Variants in FBRSL1 observed in about 807,000 individuals in gnomAD.
FBRSL1 encodes the protein fibrosin like 1, also known as fibrosin-1-like protein.
FBRSL1 carries 51 observed loss-of-function variants against 89.6 expected under a neutral mutation model. The observed-to-expected ratio is 0.57, with a 90% CI of 0.45 to 0.72. The LOEUF (loss-of-function observed/expected upper bound fraction) is 0.72. FBRSL1 is among the 30% of genes least tolerant of loss of function. FBRSL1 has a pLI of 0.00. For synonymous variants in FBRSL1, 779 were observed against 681.1 expected, an observed-to-expected ratio of 1.14 and a Z score of -2.24; for missense variants, 1,618 against 1,451.8, an observed-to-expected ratio of 1.11 and a Z score of -1.86.
At chr12:132,495,333 G>T (rs538455958) in intron 1 of FBRSL1, among the ~76,000 whole-genome samples, 3 of 152,332 alleles carry the variant, frequency 2.0e-5, no homozygotes, top group Admixed American at 2.0e-4. Context: ...GCCGAGCACC[G>T]CGTGTGGGGC....
chr12:132,530,998 G>GA (rs889162833), intron 4 of FBRSL1, among the ~76,000 whole-genome samples: 2 of 150,368 alleles, frequency 1.3e-5, no homozygotes, highest in Non-Finnish European at 3.0e-5. Flanking sequence ...CCAGTGTGGG[G>GA]GGGGGGGTGC....
Position 132,568,633 on chromosome 12 carries a change from C to T in FBRSL1, c.691+1107C>T, listed in dbSNP as rs117914924. 0.013 allele frequency among the ~76,000 whole-genome samples: 1,941 copies of T among 152,362 alleles called. 59 individuals are homozygous for T. In the East Asian group the frequency reaches 0.14, roughly 11 times the overall value. ...ACGTGGGGTCTAGTCCAGGTCTGTG[C>T]GGCCCAAGCCTCTTTCCATCCTGAT... On this transcript the variant is annotated intron_variant, in intron 6 of 18. Transcript: ENST00000680143.
chr12:132,556,230 CT>C (rs1487667155), intron 5 of FBRSL1, among the ~76,000 whole-genome samples: 4 of 152,190 alleles, frequency 2.6e-5, no homozygotes, highest in South Asian at 2.1e-4. Flanking sequence ...CGGGCTCCCC[CT>C]GATGCTGCCC....
At chr12:132,556,609 ACCC>A (rs1566196325) in intron 5 of FBRSL1, among the ~76,000 whole-genome samples, 9 of 8,526 alleles carry the variant, frequency 1.1e-3, no homozygotes, top group South Asian at 4.4e-3. Flanking sequence ...TGCCCCCGCC[ACCC>A]ACCCCCCTCC....
intron 2 of FBRSL1, among the ~76,000 whole-genome samples, chr12:132,524,129 G>A (rs1267152093): frequency 6.6e-6 from 1 of 152,240 alleles, no homozygotes; most frequent in Admixed American, 6.5e-5. Context: ...TACAGATGCC[G>A]AAACTGAGGC....
intron 4 of FBRSL1, among the ~76,000 whole-genome samples, chr12:132,537,329 C>CT (rs2036848083): frequency 6.6e-6 from 1 of 152,120 alleles, no homozygotes; most frequent in African/African-American, 2.4e-5. Context: ...CCAGAGGTGG[C>CT]TGAGGTGGGT....
chr12:132,505,877 C>T (rs974295150), intron 1 of FBRSL1, among the ~76,000 whole-genome samples: 1 of 152,254 alleles, frequency 6.6e-6, no homozygotes, highest in African/African-American at 2.4e-5. Context: ...GCAGGCGAAG[C>T]GCTGGCTGGC....
intron 2 of FBRSL1, chr12:132,510,652 G>A (rs1330407054): frequency 1.1e-5 from 14 of 1,229,516 alleles, no homozygotes; most frequent in South Asian, 4.3e-5. Flanking sequence ...ACAGTGCCAC[G>A]ATCAGGCTGA....
intron 1 of FBRSL1, among the ~76,000 whole-genome samples, chr12:132,502,865 A>ACCCTCTCCTGTCCCCG (rs1389956520): frequency 3.0e-5 from 3 of 101,326 alleles, no homozygotes; most frequent in East Asian, 3.3e-4. Flanking sequence ...TCCTGTTCTC[A>ACCCTCTCCTGTCCCCG]CCCTCTCCTG....
At chr12:132,582,530 C>G (rs1453387703) in intron 18 of FBRSL1, among the ~76,000 whole-genome samples, 1 of 151,600 alleles carries the variant, frequency 6.6e-6, no homozygotes, top group African/African-American at 2.4e-5. Context: ...CCCGGCGACT[C>G]CTCCCTGCGG....
rs576292070 is a variant in FBRSL1 at position 132,495,975 on chromosome 12, C to T, written c.291+5114C>T. ...GGCCTCGGGGTCGGGGCTGTTACAG[C>T]AGGAGTCACCGGCCCTCTTCCCCAT... is the stretch of plus-strand genomic sequence containing the variant. On this transcript the variant is annotated intron_variant, in intron 1 of 18. Transcript: ENST00000680143. 1.9e-3 allele frequency among the ~76,000 whole-genome samples: 290 copies of T among 152,386 alleles called. 2 individuals are homozygous for T. The highest frequency in any genetic ancestry group is 6.5e-3 in the African/African-American group (270 of 41,592).
At chr12:132,517,898 G>A (rs924450683) in intron 2 of FBRSL1, among the ~76,000 whole-genome samples, 4 of 152,156 alleles carry the variant, frequency 2.6e-5, no homozygotes, top group Admixed American at 1.3e-4. Context: ...GCAGTGGCTT[G>A]AATTAGGTCA....
intron 15 of FBRSL1, chr12:132,580,867 C>T (rs915430469): frequency 8.1e-6 from 8 of 985,092 alleles, no homozygotes; most frequent in Non-Finnish European, 8.4e-6. Flanking sequence ...AGCAGCCCCT[C>T]CCAGGGCCCG....
chr12:132,540,094 G>A (rs1192330613), intron 4 of FBRSL1, among the ~76,000 whole-genome samples: 2 of 6,750 alleles, frequency 3.0e-4, no homozygotes, highest in African/African-American at 8.4e-4. Context: ...CTCCAGCCCC[G>A]TGCCCACCCA....
At chr12:132,559,110 C>A (rs984732183) in intron 5 of FBRSL1, among the ~76,000 whole-genome samples, 1 of 152,278 alleles carries the variant, frequency 6.6e-6, no homozygotes, top group Non-Finnish European at 1.5e-5. Context: ...GTGGCTGGGC[C>A]TCGATCCGAG....
chr12:132,562,756 C>T (rs574783251), intron 5 of FBRSL1, among the ~76,000 whole-genome samples: 1 of 152,214 alleles, frequency 6.6e-6, no homozygotes, highest in Admixed American at 6.5e-5. Context: ...GTGTGGCAGG[C>T]CCGCCTCGGC....
chr12:132,500,165 G>A (rs927206696), intron 1 of FBRSL1, among the ~76,000 whole-genome samples: 1 of 152,112 alleles, frequency 6.6e-6, no homozygotes, highest in African/African-American at 2.4e-5. Flanking sequence ...GCCGCACGCC[G>A]TGACCCTGCC....
intron 2 of FBRSL1, among the ~76,000 whole-genome samples, chr12:132,521,859 C>A (rs902293360): frequency 1.3e-5 from 2 of 152,220 alleles, no homozygotes; most frequent in Admixed American, 6.5e-5. Flanking sequence ...TGGTGTGGGG[C>A]CTCTTGGGTG....
At chr12:132,557,687 G>A (rs1329903084) in intron 5 of FBRSL1, among the ~76,000 whole-genome samples, 1 of 152,228 alleles carries the variant, frequency 6.6e-6, no homozygotes, top group Non-Finnish European at 1.5e-5. Context: ...GCCACATTGA[G>A]ACTGGCCGTA....
Sources: gnomAD v4.1 joint callset for allele counts (sites outside exome capture counted in the v4.1 genomes callset) on GRCh38, gnomAD v4.1.1 for gene constraint, MANE v1.5 for transcripts, NCBI Gene and HGNC (gene_info 2026-07-23, HGNC 2026-07-21) for gene names.